Variants in FBN1 observed in about 807,000 individuals in gnomAD.
The protein encoded by FBN1 is fibrillin 1.
FBN1 carries 29 observed loss-of-function variants against 365.1 expected under a neutral mutation model. That is an observed-to-expected ratio of 0.08 (90% CI 0.06 to 0.11). The LOEUF (loss-of-function observed/expected upper bound fraction) is 0.11. Among genes scored for constraint, FBN1 ranks in the 10% least tolerant of loss-of-function variants. The pLI is 1.00. For missense variants in FBN1, 2,476 were observed against 3,703.2 expected, an observed-to-expected ratio of 0.67 and a Z score of 8.60; for synonymous variants, 1,210 against 1,270.5, an observed-to-expected ratio of 0.95 and a Z score of 1.01.
chr15:48,588,726 T>C (rs2044454282), intron 6 of FBN1, among the ~76,000 whole-genome samples: 1 of 152,038 alleles, frequency 6.6e-6, no homozygotes, highest in African/African-American at 2.4e-5. Context: ...ATATCAAGAG[T>C]ATTCAAATGT....
At chr15:48,605,048 G>A (rs373918267) in intron 4 of FBN1, among the ~76,000 whole-genome samples, 1 of 152,180 alleles carries the variant, frequency 6.6e-6, no homozygotes, top group East Asian at 1.9e-4. Flanking sequence ...GAGAAAATGT[G>A]ATCAAACTAT....
intron 6 of FBN1, among the ~76,000 whole-genome samples, chr15:48,559,548 C>T (rs1266166416): frequency 6.6e-6 from 1 of 152,142 alleles, no homozygotes; most frequent in Non-Finnish European, 1.5e-5. Context: ...TCCTCAAGAA[C>T]CTCTGCCAAC....
At chr15:48,459,228 T>G (rs1324591819) in intron 43 of FBN1, among the ~76,000 whole-genome samples, 1 of 152,250 alleles carries the variant, frequency 6.6e-6, no homozygotes, top group Non-Finnish European at 1.5e-5. Context: ...ACAGACCACT[T>G]ATCTTGTGAT....
intron 6 of FBN1, among the ~76,000 whole-genome samples, chr15:48,555,545 T>C (rs544491859): frequency 2.6e-5 from 4 of 152,156 alleles, no homozygotes; most frequent in Non-Finnish European, 5.9e-5. Context: ...CTATGGTGTA[T>C]TGCTGTACAT....
At position 48,437,972 on chromosome 15, in the gene FBN1, C is replaced by T. The variant is rs143493237; in HGVS notation, c.6164-55G>A. The T allele has an allele frequency of 2.5e-4, 394 of 1,580,384 alleles. No homozygotes were observed. In the African/African-American group the frequency reaches 4.5e-3, roughly 18 times the overall value. On this transcript the variant is annotated intron_variant, in intron 50 of 65. Coordinates refer to ENST00000316623, the MANE Select transcript of FBN1 (RefSeq NM_000138.5). ...TTGCTTTCCTACTGAGTCCGTATTG[C>T]ACCATAGCAAATAAAGAACAACCCA...
intron 6 of FBN1, among the ~76,000 whole-genome samples, chr15:48,545,802 G>A (rs1440338788): frequency 6.6e-6 from 1 of 152,050 alleles, no homozygotes; most frequent in African/African-American, 2.4e-5. Context: ...CAGGTGGATC[G>A]CTTCAGCCCA....
intron 2 of FBN1, among the ~76,000 whole-genome samples, chr15:48,631,158 A>C (rs1052631456): frequency 5.9e-5 from 9 of 152,274 alleles, no homozygotes; most frequent in Admixed American, 1.3e-4. Flanking sequence ...TAAAATCAAA[A>C]TGGAAATCAT....
intron 6 of FBN1, among the ~76,000 whole-genome samples, chr15:48,586,023 C>T (rs4774520): frequency 0.13 from 19,650 of 152,094 alleles, 1,340 homozygotes; most frequent in Non-Finnish European, 0.15. Context: ...TCAATAAATG[C>T]ACATGGAAAA....
chr15:48,526,591 TC>T (rs2043917206), intron 8 of FBN1, among the ~76,000 whole-genome samples: 1 of 152,246 alleles, frequency 6.6e-6, no homozygotes, highest in Non-Finnish European at 1.5e-5. Flanking sequence ...TCCTTTTGTT[TC>T]CATGTTTTGC....
At chr15:48,526,653 C>T (rs939507244) in intron 8 of FBN1, among the ~76,000 whole-genome samples, 3 of 152,116 alleles carry the variant, frequency 2.0e-5, no homozygotes, top group African/African-American at 4.8e-5. Flanking sequence ...TCACTTCTTG[C>T]GCTGCTTTTC....
chr15:48,516,240 G>T lies in FBN1; in HGVS notation c.1270C>A (p.Gln424Lys), dbSNP rs1439533354. ...ACTGGTGGTCGAGGGACCGGAATTT[G>T]AGGTCCAGGAGGAAAGCCAGGAGGA... ...PVPPGFPPGP[Q>K]IPVPRPPVEY... The change falls in exon 11 of 66, where the codon CAA becomes AAA. Residue 424 changes from glutamine (Q) to lysine (K), a missense_variant. Gln to Lys is a moderately conservative substitution (Grantham distance 53). Coordinates refer to ENST00000316623, the MANE Select transcript of FBN1 (RefSeq NM_000138.5). 1.2e-6 allele frequency: 2 copies of T among 1,613,880 alleles called. No homozygotes were observed. The highest frequency in any genetic ancestry group is 1.1e-5 in the South Asian group (1 of 91,046).
chr15:48,576,296 T>C (rs2044347051), intron 6 of FBN1, among the ~76,000 whole-genome samples: 1 of 152,208 alleles, frequency 6.6e-6, no homozygotes, highest in African/African-American at 2.4e-5. Flanking sequence ...TCTTACATAT[T>C]CTTTTAGGCT....
At chr15:48,593,158 T>TATG (rs2044491203) in intron 6 of FBN1, among the ~76,000 whole-genome samples, 1 of 152,170 alleles carries the variant, frequency 6.6e-6, no homozygotes, top group South Asian at 2.1e-4. Context: ...CAAAATACTA[T>TATG]GTTCATGGAT....
chr15:48,556,692 A>G (rs923120768), intron 6 of FBN1, among the ~76,000 whole-genome samples: 4 of 152,336 alleles, frequency 2.6e-5, no homozygotes, highest in Admixed American at 1.3e-4. Flanking sequence ...CTGTGGACAC[A>G]GAAAGTTCTG....
chr15:48,474,934 T>C (rs1007388847), intron 32 of FBN1, among the ~76,000 whole-genome samples: 3 of 152,136 alleles, frequency 2.0e-5, no homozygotes, highest in Non-Finnish European at 2.9e-5. Context: ...CTGAAGACCA[T>C]AAAAAATGAG....
rs745638958 is a variant in FBN1, at chr15:48,427,527, T to C, written c.7204+40A>G. The C allele has an allele frequency of 9.5e-6, 15 of 1,585,160 alleles. No homozygotes were observed. In the African/African-American group the frequency reaches 1.6e-4, roughly 17 times the overall value. ...GTGTTTCACACAAAAAACAAATAAA[T>C]AGATTCCCTGCAAGTATTTTTGGAC... is the stretch of plus-strand genomic sequence containing the variant. On this transcript the variant is annotated intron_variant, in intron 58 of 65. Coordinates refer to ENST00000316623, the MANE Select transcript of FBN1 (RefSeq NM_000138.5).
At chr15:48,613,811 C>T (rs1309177600) in intron 2 of FBN1, among the ~76,000 whole-genome samples, 3 of 152,002 alleles carry the variant, frequency 2.0e-5, no homozygotes, top group Non-Finnish European at 4.4e-5. Flanking sequence ...ACCTGTAGTC[C>T]CAGCTACTTG....
At position 48,485,375 on chromosome 15, in the gene FBN1, G is replaced by C; in HGVS notation, c.3711C>G (p.Thr1237=). Residue 1237 remains threonine (T), a splice_region_variant and synonymous_variant, in exon 30 of 66, where the codon ACC becomes ACG. Transcript: ENST00000316623. ...AACATGAGGCTAGAACCTACTCACC[G>C]GTGCATGATCTCTGGTCAGGCATTA... ...FALMPDQRSC[T]DIDECEDNPN... 6.2e-7 allele frequency: 1 copy of C among 1,614,112 alleles called. No individual in the cohort carries two copies. The highest frequency in any genetic ancestry group is 8.5e-7 in the Non-Finnish European group (1 of 1,180,010).
chr15:48,554,810 C>A (rs1365074913), intron 6 of FBN1, among the ~76,000 whole-genome samples: 1 of 152,086 alleles, frequency 6.6e-6, no homozygotes, highest in Non-Finnish European at 1.5e-5. Flanking sequence ...TGACCATGGG[C>A]AAATTATTTA....
Sources: gnomAD v4.1 joint callset for allele counts (sites outside exome capture counted in the v4.1 genomes callset) on GRCh38, gnomAD v4.1.1 for gene constraint, MANE v1.5 for transcripts, NCBI Gene and HGNC (gene_info 2026-07-23, HGNC 2026-07-21) for gene names.